EYS: variants seen among roughly 807,000 people sequenced by gnomAD.
EYS encodes protein eyes shut homolog.
EYS carries 250 observed loss-of-function variants against 282.1 expected under a neutral mutation model. The ratio of observed to expected loss-of-function variants is 0.89; its 90% confidence interval spans 0.80 to 0.98. The LOEUF is 0.98. Among genes scored for constraint, EYS ranks in the 50% least tolerant of loss-of-function variants. The probability of loss-of-function intolerance (pLI) is 0.00; values close to 1 mark genes in which losing one functional copy is unlikely to be tolerated. For missense variants in EYS, 4,016 were observed against 3,709.0 expected (o/e 1.08, Z -2.15); for synonymous variants, 1,355 against 1,282.9 (o/e 1.06, Z -1.20).
chr6:64,630,361 T>C (rs1767739378), intron 22 of EYS, among the ~76,000 whole-genome samples: 1 of 152,184 alleles, frequency 6.6e-6, no homozygotes, highest in Non-Finnish European at 1.5e-5. Flanking sequence ...ACTCCCAAAG[T>C]GCTGGGATTA....
At chr6:64,659,467 A>C (rs1288565101) in intron 22 of EYS, among the ~76,000 whole-genome samples, 1 of 151,980 alleles carries the variant, frequency 6.6e-6, no homozygotes, top group Non-Finnish European at 1.5e-5. Context: ...TGAAAAGATC[A>C]ACAAAATTGA....
chr6:64,609,804 C>T (rs633885), intron 24 of EYS, among the ~76,000 whole-genome samples: 45,245 of 151,722 alleles, frequency 0.3, 7,130 homozygotes, highest in African/African-American at 0.42. Flanking sequence ...GGAGAACCAT[C>T]TGAGCCCAGA....
chr6:64,411,929 G>A (rs1036487207), intron 28 of EYS, among the ~76,000 whole-genome samples: 3 of 151,156 alleles, frequency 2.0e-5, no homozygotes, highest in African/African-American at 4.9e-5. Context: ...ATGCATGTAT[G>A]TATATATGTT....
chr6:63,856,822 A>G (rs907579729), intron 36 of EYS, among the ~76,000 whole-genome samples: 51 of 152,328 alleles, frequency 3.3e-4, no homozygotes, highest in African/African-American at 1.2e-3. Flanking sequence ...CTTATAATTT[A>G]TCAAATCTAT....
At chr6:65,123,758 C>CACACACA (rs1554157087) in intron 12 of EYS, among the ~76,000 whole-genome samples, 468 of 147,088 alleles carry the variant, frequency 3.2e-3, no homozygotes, top group African/African-American at 0.01. Context: ...ACCCACCCAC[C>CACACACA]CACACACACA....
intron 40 of EYS, among the ~76,000 whole-genome samples, chr6:63,767,493 A>G (rs536282149): frequency 6.1e-4 from 93 of 152,254 alleles, no homozygotes; most frequent in African/African-American, 2.2e-3. Flanking sequence ...AGCCACAAAA[A>G]GAATAAAGTA....
chr6:64,960,147 T>A (rs992993913), intron 14 of EYS, among the ~76,000 whole-genome samples: 12 of 152,116 alleles, frequency 7.9e-5, no homozygotes, highest in Non-Finnish European at 1.3e-4. Context: ...ATTTGAAGTT[T>A]ACAAATAGTT....
intron 14 of EYS, among the ~76,000 whole-genome samples, chr6:64,948,667 T>C (rs1013741867): frequency 6.7e-6 from 1 of 149,498 alleles, no homozygotes; most frequent in Non-Finnish European, 1.5e-5. Flanking sequence ...AGTAAAATAC[T>C]ATTTTTAAAA....
At chr6:64,415,999 A>G (rs1942354953) in intron 28 of EYS, among the ~76,000 whole-genome samples, 1 of 152,204 alleles carries the variant, frequency 6.6e-6, no homozygotes, top group Non-Finnish European at 1.5e-5. Flanking sequence ...CTTAATGTAT[A>G]AAAGGCTACT....
At chr6:64,214,106 G>A (rs775795169) in intron 31 of EYS, among the ~76,000 whole-genome samples, 14 of 152,072 alleles carry the variant, frequency 9.2e-5, no homozygotes, top group African/African-American at 3.1e-4. Context: ...TTTTAACCTA[G>A]AAAGGGAACT....
At chr6:65,295,805 A>T in intron 12 of EYS, 58 bp downstream of exon 12, 1 of 1,330,518 alleles carries the variant, frequency 7.5e-7, no homozygotes, top group Middle Eastern at 2.0e-4. Flanking sequence ...TATCAAATAA[A>T]TATATTAACA....
At chr6:65,018,617 C>T (rs911501943) in intron 13 of EYS, among the ~76,000 whole-genome samples, 1 of 152,128 alleles carries the variant, frequency 6.6e-6, no homozygotes, top group Non-Finnish European at 1.5e-5. Flanking sequence ...GAGGACACAA[C>T]TCAATCAAAT....
At chr6:65,592,091 T>C (rs907455723) in intron 2 of EYS, among the ~76,000 whole-genome samples, 4 of 152,018 alleles carry the variant, frequency 2.6e-5, no homozygotes, top group Admixed American at 6.6e-5. Flanking sequence ...TGTATGTTCA[T>C]CTTAATATTC....
At chr6:65,321,608 G>A (rs1330873089) in intron 11 of EYS, among the ~76,000 whole-genome samples, 2 of 152,170 alleles carry the variant, frequency 1.3e-5, no homozygotes, top group African/African-American at 4.8e-5. Context: ...AGCCACCTTA[G>A]TTGTCCAGCC....
chr6:65,372,810 A>C (rs1765212606), intron 8 of EYS, among the ~76,000 whole-genome samples: 1 of 152,092 alleles, frequency 6.6e-6, no homozygotes, highest in Non-Finnish European at 1.5e-5. Context: ...AATTTAACTC[A>C]TAATGAAGAG....
chr6:65,397,241 T>C (rs995558985), intron 7 of EYS, among the ~76,000 whole-genome samples: 1 of 151,958 alleles, frequency 6.6e-6, no homozygotes, highest in Non-Finnish European at 1.5e-5. Context: ...GTTTTTTGTT[T>C]GTTTGCTTGT....
intron 5 of EYS, among the ~76,000 whole-genome samples, chr6:65,487,800 G>C (rs1027983938): frequency 6.7e-6 from 1 of 149,298 alleles, no homozygotes; most frequent in Admixed American, 6.8e-5. Flanking sequence ...AATCCATCGG[G>C]ACCTGGACTT....
intron 29 of EYS, among the ~76,000 whole-genome samples, chr6:64,360,791 G>A (rs1187176118): frequency 6.6e-6 from 1 of 151,702 alleles, no homozygotes; most frequent in Non-Finnish European, 1.5e-5. Flanking sequence ...CTCATAAAAT[G>A]TACTAGCTAG....
At chr6:64,541,220 G>A (rs555918980) in intron 26 of EYS, among the ~76,000 whole-genome samples, 1 of 152,134 alleles carries the variant, frequency 6.6e-6, no homozygotes, top group Non-Finnish European at 1.5e-5. Flanking sequence ...GGAGGGGTCC[G>A]GCCAGGCCTC....
Sources: allele counts gnomAD v4.1 joint callset (sites outside exome capture counted in the v4.1 genomes callset), GRCh38; gene constraint gnomAD v4.1.1; transcripts MANE v1.5; gene names NCBI Gene and HGNC (gene_info 2026-07-23, HGNC 2026-07-21).